The following EIF4G3 variants were observed in gnomAD, a reference collection of about 807,000 sequenced individuals.
EIF4G3 encodes the protein eIF-4-gamma 3.
EIF4G3 carries 34 observed loss-of-function variants against 186.4 expected under a neutral mutation model. That is an observed-to-expected ratio of 0.18 (90% CI 0.14 to 0.24). EIF4G3 has a LOEUF of 0.24. Among genes scored for constraint, EIF4G3 ranks in the 10% least tolerant of loss-of-function variants. EIF4G3 has a pLI of 1.00. For synonymous variants in EIF4G3, 673 were observed against 679.5 expected (o/e 0.99, Z 0.15); for missense variants, 1,536 against 1,948.5 (o/e 0.79, Z 3.99).
chr1:21,093,074 G>A (rs2096254041), intron 2 of EIF4G3, among the ~76,000 whole-genome samples: 1 of 152,070 alleles, frequency 6.6e-6, no homozygotes, highest in Admixed American at 6.5e-5. Context: ...CAAAAGCAAT[G>A]GCAACAAAAG....
At chr1:20,868,245 G>C (rs567012871) in intron 20 of EIF4G3, among the ~76,000 whole-genome samples, 2 of 151,838 alleles carry the variant, frequency 1.3e-5, no homozygotes, top group Admixed American at 6.6e-5. Flanking sequence ...TGCTTGGGCT[G>C]CTATAACAAA....
intron 10 of EIF4G3, among the ~76,000 whole-genome samples, chr1:20,977,417 C>T (rs1347013480): frequency 6.6e-6 from 1 of 152,082 alleles, no homozygotes; most frequent in African/African-American, 2.4e-5. Context: ...GAACTCCTGA[C>T]CTCGGGTGAT....
chr1:20,825,242 G>GAAAAA, intron 32 of EIF4G3, 44 bp from the exon 33 acceptor site: 1 of 295,180 alleles, frequency 3.4e-6, no homozygotes, highest in South Asian at 7.5e-5. Flanking sequence ...CACAGTGGAA[G>GAAAAA]AAGAAACAGA....
chr1:20,944,956 C>G (rs2095875052), intron 13 of EIF4G3, among the ~76,000 whole-genome samples: 1 of 152,134 alleles, frequency 6.6e-6, no homozygotes, highest in African/African-American at 2.4e-5. Flanking sequence ...AGGGAGCTGT[C>G]ATCGCACCAC....
intron 28 of EIF4G3, among the ~76,000 whole-genome samples, chr1:20,850,024 C>T (rs1022341593): frequency 2.6e-5 from 4 of 152,160 alleles, no homozygotes; most frequent in Non-Finnish European, 4.4e-5. Flanking sequence ...ACTGGTCCTT[C>T]GGATGAAGGA....
intron 12 of EIF4G3, among the ~76,000 whole-genome samples, chr1:20,967,182 G>A (rs2074884929): frequency 1.3e-5 from 2 of 152,176 alleles, no homozygotes; most frequent in African/African-American, 4.8e-5. Flanking sequence ...GAAAGTTACA[G>A]AAAACCAATC....
chr1:21,030,860 T>C (rs1184217450), intron 4 of EIF4G3, among the ~76,000 whole-genome samples: 1 of 151,730 alleles, frequency 6.6e-6, no homozygotes, highest in Non-Finnish European at 1.5e-5. Context: ...TGTGTCTATA[T>C]ACAGTTGCTA....
At chr1:21,054,172 C>G (rs909813463) in intron 3 of EIF4G3, among the ~76,000 whole-genome samples, 3 of 151,626 alleles carry the variant, frequency 2.0e-5, no homozygotes, top group Non-Finnish European at 2.9e-5. Flanking sequence ...GACCTTACCC[C>G]CAACCCTGTG....
intron 2 of EIF4G3, among the ~76,000 whole-genome samples, chr1:21,134,568 C>G (rs1558123712): frequency 6.6e-6 from 1 of 152,106 alleles, no homozygotes. Context: ...TACTCGGGCG[C>G]TGATTCATGA....
intron 2 of EIF4G3, among the ~76,000 whole-genome samples, chr1:21,091,497 C>T (rs115590296): frequency 0.012 from 1,833 of 152,088 alleles, 36 homozygotes; most frequent in Non-Finnish European, 0.015. Flanking sequence ...CTGAACCACA[C>T]GAATATGTTT....
At chr1:20,969,294 T>C (rs2075345205) in intron 12 of EIF4G3, among the ~76,000 whole-genome samples, 180 bp downstream of exon 12, 1 of 152,170 alleles carries the variant, frequency 6.6e-6, no homozygotes, top group Non-Finnish European at 1.5e-5. Flanking sequence ...CAATAAAAAT[T>C]TAAAAATATT....
chr1:21,145,866 G>A (rs929142778), intron 2 of EIF4G3, among the ~76,000 whole-genome samples: 1 of 152,056 alleles, frequency 6.6e-6, no homozygotes, highest in Admixed American at 6.6e-5. Context: ...GGATCATTGA[G>A]GCCAAATGTT....
Position 20,841,166 on chromosome 1 carries a change from A to G in EIF4G3, c.3889-138T>C, listed in dbSNP as rs142738413. 5.2e-3 allele frequency: 4,159 copies of G among 793,956 alleles called. 15 individuals carry two copies. The highest frequency in any genetic ancestry group is 6.9e-3 in the Non-Finnish European group (3,599 of 525,036). The allele number at this position is 793,956 out of a possible 1,614,324, so 49.2% of individuals were successfully genotyped here. On this transcript the variant is annotated intron_variant, in intron 29 of 36. Coordinates refer to ENST00000602326, the MANE Select transcript of EIF4G3 (RefSeq NM_001391906.1). ...CAGGACAGTTTTCAAATATAAGTTT[A>G]TATTTGTTTAACATAATTTATAGCT...
intron 3 of EIF4G3, chr1:21,073,547 G>T: frequency 2.4e-6 from 1 of 415,154 alleles, no homozygotes. Context: ...ACATTTCATG[G>T]TTCAGGTATC....
intron 16 of EIF4G3, among the ~76,000 whole-genome samples, chr1:20,897,354 A>G (rs540024638): frequency 6.6e-6 from 1 of 151,866 alleles, no homozygotes; most frequent in Non-Finnish European, 1.5e-5. Flanking sequence ...ACCTGATACA[A>G]CCCTTGGCTT....
At chr1:21,088,842 G>A (rs1307845766) in intron 3 of EIF4G3, among the ~76,000 whole-genome samples, 6 of 152,060 alleles carry the variant, frequency 3.9e-5, no homozygotes, top group Non-Finnish European at 8.8e-5. Context: ...TCCAGCCTGG[G>A]TGACACAGTG....
In EIF4G3 at chr1:20,849,501, G is replaced by A. The variant is rs1557905141; in HGVS notation, c.3802C>T (p.His1268Tyr). 1 of 1,550,432 alleles carries A rather than the reference G, an allele frequency of 6.4e-7. No individual in the cohort carries two copies. Among genetic ancestry groups the A allele is most frequent in the Non-Finnish European group, 8.7e-7 (1 of 1,154,636 alleles). Reference protein sequence around the residue: ...AKPEISAMSAHDKAALSEEEL... With the variant: ...AKPEISAMSAYDKAALSEEEL... ...TCTTCTGATAATGCAGCCTTGTCATGAGCTGACATTGCTGAAATTTCTGGT... is the reference window on the plus strand; with the variant it reads ...TCTTCTGATAATGCAGCCTTGTCATAAGCTGACATTGCTGAAATTTCTGGT... The change falls in exon 29 of 37, where the codon CAT becomes TAT. Residue 1268 changes from histidine (H) to tyrosine (Y), a missense_variant. His to Tyr is a moderately conservative substitution (Grantham distance 83, BLOSUM62 2). Around this residue, in one of 11 missense-constraint regions of EIF4G3, gnomAD observed 395 missense variants for 498.9 expected, o/e 0.79. Coordinates refer to ENST00000602326, the MANE Select transcript of EIF4G3 (RefSeq NM_001391906.1).
chr1:21,005,284 A>G (rs1261019995), intron 4 of EIF4G3, among the ~76,000 whole-genome samples: 1 of 152,170 alleles, frequency 6.6e-6, no homozygotes, highest in African/African-American at 2.4e-5. Flanking sequence ...TTAAATTTAA[A>G]AAAATCAAGT....
intron 30 of EIF4G3, 26 bp from the exon 31 acceptor site, chr1:20,829,298 C>A: frequency 6.2e-7 from 1 of 1,607,040 alleles, no homozygotes; most frequent in Non-Finnish European, 8.5e-7. Context: ...GGGTAAAAAT[C>A]ACATGCAAAT....
Sources: gnomAD v4.1 joint callset for allele counts (sites outside exome capture counted in the v4.1 genomes callset) on GRCh38, gnomAD v4.1.1 for gene constraint, gnomAD v4.1.1 regional missense constraint, MANE v1.5 for transcripts, NCBI Gene and HGNC (gene_info 2026-07-23, HGNC 2026-07-21) for gene names.